Variants in ELMO1 observed in about 807,000 individuals in gnomAD.
The protein encoded by ELMO1 is engulfment and cell motility protein 1.
ELMO1 carries 26 observed loss-of-function variants against 98.9 expected under a neutral mutation model. The observed-to-expected ratio is 0.26, with a 90% CI of 0.19 to 0.36. The LOEUF (loss-of-function observed/expected upper bound fraction) is 0.36. Ranked by LOEUF, ELMO1 falls within the 10% of genes least tolerant of loss-of-function variation. The pLI is 1.00. For synonymous variants in ELMO1, 346 were observed against 346.0 expected (o/e 1.00, Z 0.00); for missense variants, 627 against 935.2 (o/e 0.67, Z 4.30).
rs556157981 is a variant in ELMO1 at position 37,064,387 on chromosome 7, T to C, written c.1300+32232A>G. Among the ~76,000 whole-genome samples, 6 of 152,286 alleles carry C rather than the reference T, an allele frequency of 3.9e-5. No individual in the cohort carries two copies. In the South Asian group the frequency reaches 6.2e-4, roughly 16 times the overall value. ...ATATCCTCTGCGATGCAGTAGAAAC[T>C]GCAGGGACTATGTATGAGGGCTGGA... On this transcript the variant is annotated intron_variant, in intron 15 of 21. Transcript: ENST00000310758.
intron 16 of ELMO1, among the ~76,000 whole-genome samples, chr7:36,984,293 C>A (rs1286556391): frequency 6.6e-6 from 1 of 152,232 alleles, no homozygotes; most frequent in Admixed American, 6.5e-5. Context: ...GATCAGAGAG[C>A]AGCCTACATC....
chr7:37,120,547 T>C (rs1308771912), intron 14 of ELMO1, among the ~76,000 whole-genome samples: 1 of 152,106 alleles, frequency 6.6e-6, no homozygotes, highest in Non-Finnish European at 1.5e-5. Flanking sequence ...CAGTCTGAGA[T>C]CAAACTTCAA....
chr7:37,259,813 A>G (rs1271482287), intron 5 of ELMO1, among the ~76,000 whole-genome samples: 1 of 152,184 alleles, frequency 6.6e-6, no homozygotes, highest in Non-Finnish European at 1.5e-5. Context: ...CTGCCTACAC[A>G]TGTTCGGGAG....
intron 15 of ELMO1, among the ~76,000 whole-genome samples, chr7:37,093,185 T>G (rs1784211578): frequency 6.6e-6 from 1 of 152,178 alleles, no homozygotes; most frequent in Admixed American, 6.5e-5. Context: ...CTGTTTTTTT[T>G]TTTAAAGCAA....
intron 15 of ELMO1, among the ~76,000 whole-genome samples, chr7:37,085,208 T>C (rs1479313224): frequency 2.0e-5 from 3 of 152,190 alleles, no homozygotes; most frequent in Non-Finnish European, 4.4e-5. Flanking sequence ...TTCTAGAGCT[T>C]TCTGTCCTCA....
At chr7:37,296,928 G>C (rs1207625701) in intron 4 of ELMO1, among the ~76,000 whole-genome samples, 3 of 152,168 alleles carry the variant, frequency 2.0e-5, no homozygotes, top group Non-Finnish European at 4.4e-5. Context: ...CAATACGCCT[G>C]AACTATCCCT....
intron 1 of ELMO1, among the ~76,000 whole-genome samples, chr7:37,368,475 C>T (rs1801988168): frequency 6.6e-6 from 1 of 152,116 alleles, no homozygotes; most frequent in Admixed American, 6.5e-5. Flanking sequence ...CAGAAATAAG[C>T]CTCAGAACCA....
chr7:37,101,702 G>A (rs550878162), intron 14 of ELMO1, among the ~76,000 whole-genome samples: 1 of 151,842 alleles, frequency 6.6e-6, no homozygotes, highest in East Asian at 1.9e-4. Flanking sequence ...ATCAGCAGGT[G>A]CATTCCTGGA....
intron 13 of ELMO1, among the ~76,000 whole-genome samples, chr7:37,172,991 A>G (rs1456258683): frequency 1.3e-5 from 2 of 152,218 alleles, no homozygotes; most frequent in Non-Finnish European, 2.9e-5. Context: ...TCCTGAAACA[A>G]TAAGAAAATT....
intron 1 of ELMO1, among the ~76,000 whole-genome samples, chr7:37,444,582 A>T (rs1183768263): frequency 1.3e-5 from 2 of 151,772 alleles, no homozygotes; most frequent in Non-Finnish European, 2.9e-5. Flanking sequence ...GCGCAATCTC[A>T]GCTCACTGTA....
chr7:37,234,918 T>G lies in ELMO1; in HGVS notation c.450-1724A>C, dbSNP rs150879525. 2.0e-4 allele frequency among the ~76,000 whole-genome samples: 30 copies of G among 152,190 alleles called. No homozygotes were observed. In the East Asian group the frequency reaches 5.6e-3, roughly 28 times the overall value. On this transcript the variant is annotated intron_variant, in intron 7 of 21. Transcript: ENST00000310758. Reference sequence around the variant, plus strand: ...ATTCTCTGTTCTTAGAACTAGAAAATGAAAACAAAAACAGCAATGCAAGGA... The same window carrying G: ...ATTCTCTGTTCTTAGAACTAGAAAAGGAAAACAAAAACAGCAATGCAAGGA...
intron 1 of ELMO1, among the ~76,000 whole-genome samples, chr7:37,421,255 A>G (rs1384226379): frequency 1.3e-5 from 2 of 152,194 alleles, no homozygotes; most frequent in Non-Finnish European, 2.9e-5. Context: ...AGACACAAAT[A>G]CTAAGTATAT....
intron 13 of ELMO1, among the ~76,000 whole-genome samples, chr7:37,144,064 C>T (rs1787828397): frequency 6.6e-6 from 1 of 151,996 alleles, no homozygotes. Flanking sequence ...TTATAACAGA[C>T]CCATGTCTCT....
At chr7:37,183,485 T>C (rs1235941644) in intron 13 of ELMO1, among the ~76,000 whole-genome samples, 1 of 152,116 alleles carries the variant, frequency 6.6e-6, no homozygotes, top group African/African-American at 2.4e-5. Context: ...GCACTACACA[T>C]GAATCCAACT....
intron 13 of ELMO1, among the ~76,000 whole-genome samples, chr7:37,184,445 A>C (rs1199203831): frequency 6.6e-6 from 1 of 152,178 alleles, no homozygotes; most frequent in African/African-American, 2.4e-5. Context: ...CTAATGCAAC[A>C]ACTGAAGACA....
intron 13 of ELMO1, among the ~76,000 whole-genome samples, chr7:37,185,247 C>T (rs1341197386): frequency 1.3e-5 from 2 of 152,110 alleles, no homozygotes; most frequent in African/African-American, 2.4e-5. Flanking sequence ...CTATGCTTTT[C>T]AAAGATATTA....
At chr7:37,053,210 A>G (rs1056332925) in intron 15 of ELMO1, among the ~76,000 whole-genome samples, 3 of 151,940 alleles carry the variant, frequency 2.0e-5, no homozygotes, top group Admixed American at 6.6e-5. Context: ...AGCAATGTCC[A>G]TGAAAGACTG....
At chr7:37,300,827 A>C (rs971174233) in intron 4 of ELMO1, among the ~76,000 whole-genome samples, 27 of 151,712 alleles carry the variant, frequency 1.8e-4, no homozygotes, top group Non-Finnish European at 2.9e-4. Flanking sequence ...TGATTGGAAT[A>C]GTTTCAGAAG....
chr7:37,201,859 C>G (rs887725624), intron 13 of ELMO1, among the ~76,000 whole-genome samples: 1 of 152,202 alleles, frequency 6.6e-6, no homozygotes, highest in African/African-American at 2.4e-5. Context: ...AGGTCTGCAG[C>G]ATTTCAGATA....
Sources: allele counts gnomAD v4.1 joint callset (sites outside exome capture counted in the v4.1 genomes callset), GRCh38; gene constraint gnomAD v4.1.1; transcripts MANE v1.5; gene names NCBI Gene and HGNC (gene_info 2026-07-23, HGNC 2026-07-21).